The following CLCA2 variants were observed in gnomAD, a reference collection of about 807,000 sequenced individuals.
The protein encoded by CLCA2 is calcium-activated chloride channel regulator 2.
CLCA2 carries 85 observed loss-of-function variants against 82.9 expected under a neutral mutation model. That is an observed-to-expected ratio of 1.03 (90% CI 0.86 to 1.23). The LOEUF is 1.23. Ranked by LOEUF, CLCA2 falls within the 50% of genes most tolerant of loss-of-function variation. The pLI, the probability that CLCA2 is intolerant of heterozygous loss-of-function variation, is 0.00. For synonymous variants in CLCA2, 421 were observed against 391.7 expected, an observed-to-expected ratio of 1.07 and a Z score of -0.88; for missense variants, 1,089 against 1,124.8, an observed-to-expected ratio of 0.97 and a Z score of 0.45.
chr1:86,455,394 A>T lies in CLCA2; in HGVS notation c.2699A>T (p.Tyr900Phe), dbSNP rs1205317761. Residue 900 changes from tyrosine (Y) to phenylalanine (F), a missense_variant, in exon 14 of 14, where the codon TAT becomes TTT. Coordinates refer to ENST00000370565, the MANE Select transcript of CLCA2 (RefSeq NM_006536.7). ...PNSDPVPARD[Y>F]LILKGVLTAM... The stretch of plus-strand genomic sequence containing the variant: ...TCTGATCCTGTACCTGCCAGAGATT[A>T]TCTTATATTGAAAGGAGTTTTAACA... The T allele has an allele frequency of 6.2e-7, 1 of 1,609,254 alleles. No individual in the cohort carries two copies. Among genetic ancestry groups the T allele is most frequent in the Admixed American group, 1.7e-5 (1 of 58,684 alleles).
intron 7 of CLCA2, 97 bp from the exon 8 acceptor site, chr1:86,440,051 G>A: frequency 8.2e-7 from 1 of 1,212,350 alleles, no homozygotes; most frequent in Non-Finnish European, 1.2e-6. Flanking sequence ...GTGGGGTGTA[G>A]GAGCTACAGT....
At chr1:86,434,240 T>C (rs1165076876) in intron 5 of CLCA2, among the ~76,000 whole-genome samples, 1 of 147,034 alleles carries the variant, frequency 6.8e-6, no homozygotes, top group Non-Finnish European at 1.5e-5. Context: ...AGTAAGATTA[T>C]GTATATATAT....
In CLCA2 at chr1:86,432,356, T is replaced by C. The variant is rs751860062; in HGVS notation, c.585-13T>C. 23 of 1,611,106 alleles carry C rather than the reference T, an allele frequency of 1.4e-5. No homozygotes were observed. Among genetic ancestry groups the C allele is most frequent in the Non-Finnish European group, 1.9e-5 (22 of 1,179,386 alleles). On this transcript the variant is annotated splice_polypyrimidine_tract_variant and intron_variant, in intron 4 of 13. Transcript: ENST00000370565. ...AAATAGACCTAATTCCCAGTTTCTC[T>C]TTCCATTTTTAGGTGTTCATCTGAC...
chr1:86,430,778 C>T lies in CLCA2; in HGVS notation c.476-84C>T, dbSNP rs1662480504. On this transcript the variant is annotated intron_variant, in intron 3 of 13. Transcript: ENST00000370565. ...GGTCATTCCAAAGAGTATGTGTGGT[C>T]AAGAAATGTTACGTCTTCACTAGTT... The T allele has an allele frequency of 5.0e-6, 5 of 991,694 alleles. No homozygotes were observed. In the Admixed American group the frequency reaches 9.3e-5, roughly 18 times the overall value. The allele number at this position is 991,694 out of a possible 1,614,324, so 61.4% of individuals were successfully genotyped here.
chr1:86,440,326 G>A lies in CLCA2; in HGVS notation c.1381+1G>A, dbSNP rs138147089. On this transcript the variant is annotated splice_donor_variant, in intron 8 of 13. Coordinates refer to ENST00000370565, the MANE Select transcript of CLCA2 (RefSeq NM_006536.7). LOFTEE classifies it high-confidence loss of function. ...CTGGAGGAATTATCACGTCTTACAG[G>A]TAATAAACTTTTAAAAACTTATCTT... The A allele has an allele frequency of 7.5e-6, 12 of 1,610,630 alleles. No individual in the cohort carries two copies. In the South Asian group the frequency reaches 1.3e-4, roughly 18 times the overall value.
At chr1:86,445,538 C>T (rs534582960) in intron 10 of CLCA2, 4 of 151,796 alleles carry the variant, frequency 2.6e-5, no homozygotes, top group African/African-American at 4.8e-5. Flanking sequence ...CATGGACTTT[C>T]GAGTATTAAT....
intron 2 of CLCA2, among the ~76,000 whole-genome samples, chr1:86,426,063 T>G (rs1406504797): frequency 6.6e-6 from 1 of 152,086 alleles, no homozygotes; most frequent in Non-Finnish European, 1.5e-5. Flanking sequence ...ATAGAGGAAC[T>G]TCACCTTGAA....
intron 12 of CLCA2, among the ~76,000 whole-genome samples, chr1:86,452,794 T>C (rs1052850597): frequency 2.0e-5 from 3 of 152,226 alleles, no homozygotes; most frequent in Non-Finnish European, 4.4e-5. Context: ...TGTAAATATA[T>C]GTTTATTAAT....
chr1:86,442,113 G>A (rs1662749171), intron 9 of CLCA2, among the ~76,000 whole-genome samples: 1 of 151,904 alleles, frequency 6.6e-6, no homozygotes, highest in Non-Finnish European at 1.5e-5. Context: ...ACTGAATAAT[G>A]TGTTGAACAA....
Position 86,438,925 on chromosome 1 carries a change from A to G in CLCA2, c.1022A>G (p.Gln341Arg). Residue 341 changes from glutamine (Q) to arginine (R), a missense_variant, in exon 7 of 14, where the codon CAG (glutamine) becomes CGG (arginine). Gln to Arg is a conservative substitution (Grantham distance 43, BLOSUM62 1). Coordinates refer to ENST00000370565, the MANE Select transcript of CLCA2 (RefSeq NM_006536.7). Reference protein sequence around the residue: ...LQQAAEFYLMQIVEIHTFVGI... With the variant: ...LQQAAEFYLMRIVEIHTFVGI... Reference sequence around the variant, plus strand: ...CAAGCCGCAGAATTTTATTTGATGCAGATTGTTGAAATTCATACCTTCGTG... The same window carrying G: ...CAAGCCGCAGAATTTTATTTGATGCGGATTGTTGAAATTCATACCTTCGTG... 1 of 1,614,118 alleles carries G rather than the reference A, an allele frequency of 6.2e-7. No homozygotes were observed. The highest frequency in any genetic ancestry group is 1.3e-5 in the African/African-American group (1 of 75,056).
rs2101701952 is a variant in CLCA2 at position 86,440,250 on chromosome 1, A to G, written c.1306A>G (p.Ser436Gly). Residue 436 changes from serine to glycine, a missense_variant, in exon 8 of 14, where the codon AGT becomes GGT. Coordinates refer to ENST00000370565, the MANE Select transcript of CLCA2 (RefSeq NM_006536.7). ...LGNCLPTVLS[S>G]GSTIHSIALG... ...CAATTGCTTACCCACTGTGCTCAGC[A>G]GTGGTTCAACAATTCACTCCATTGC... 2 of 1,614,174 alleles carry G rather than the reference A, an allele frequency of 1.2e-6. No homozygotes were observed. Among genetic ancestry groups the G allele is most frequent in the East Asian group, 4.5e-5 (2 of 44,874 alleles).
chr1:86,448,722 C>T (rs1171731313), intron 11 of CLCA2, among the ~76,000 whole-genome samples: 1 of 152,210 alleles, frequency 6.6e-6, no homozygotes, highest in African/African-American at 2.4e-5. Flanking sequence ...TGCAGGAAAA[C>T]AAAAGTTCAT....
chr1:86,441,895 CT>C (rs1446233015), intron 9 of CLCA2, among the ~76,000 whole-genome samples: 4 of 152,214 alleles, frequency 2.6e-5, no homozygotes, highest in Non-Finnish European at 5.9e-5. Flanking sequence ...CAGAATTCAT[CT>C]TATTTTTGCT....
chr1:86,440,924 C>A (rs1662717670), intron 8 of CLCA2, among the ~76,000 whole-genome samples: 1 of 152,034 alleles, frequency 6.6e-6, no homozygotes, highest in South Asian at 2.1e-4. Context: ...ATTAAATGCA[C>A]TAACTTCTAT....
In CLCA2 at chr1:86,445,163, G is replaced by T. The variant is rs1662823499; in HGVS notation, c.1713+1152G>T. ...TCTGCCTGCCTCTGCCTCCTGAAGTGCTGGGATTGCAGGCATGAGCCACCG... is the reference window on the plus strand; with the variant it reads ...TCTGCCTGCCTCTGCCTCCTGAAGTTCTGGGATTGCAGGCATGAGCCACCG... On this transcript the variant is annotated intron_variant, in intron 10 of 13. Coordinates refer to ENST00000370565, the MANE Select transcript of CLCA2 (RefSeq NM_006536.7). 1.3e-5 allele frequency among the ~76,000 whole-genome samples: 2 copies of T among 152,040 alleles called. 1 individual carries two copies. The highest frequency in any genetic ancestry group is 4.1e-4 in the South Asian group (2 of 4,826).
At chr1:86,427,460 G>A (rs1360052031) in intron 2 of CLCA2, among the ~76,000 whole-genome samples, 1 of 151,218 alleles carries the variant, frequency 6.6e-6, no homozygotes, top group Non-Finnish European at 1.5e-5. Context: ...ATTAAATAAT[G>A]TAGAAACATG....
At position 86,448,275 on chromosome 1, in the gene CLCA2, C is replaced by A. The variant is rs1662895573; in HGVS notation, c.1984+497C>A. ...TTGTGACCTATAAGATGACCCTAGA[C>A]CCAAGAGGCTGGGTTGAAGAGAGGG... is the stretch of plus-strand genomic sequence containing the variant. On this transcript the variant is annotated intron_variant, in intron 11 of 13. Transcript: ENST00000370565. The A allele has an allele frequency of 3.2e-5, 5 of 158,378 alleles. No individual in the cohort carries two copies. In the South Asian group the frequency reaches 9.3e-4, roughly 30 times the overall value. 9.8% of individuals were successfully genotyped at this position (158,378 alleles called of 1,614,324 possible).
In CLCA2 at chr1:86,440,417, T is replaced by A. The variant is rs74974085; in HGVS notation, c.1381+92T>A. ...TATGAAACTCATTATATGGCTTAAT[T>A]GAAAATACAGAAATTGTTTTTAAAA... On this transcript the variant is annotated intron_variant, in intron 8 of 13. Transcript: ENST00000370565. 4.4e-5 allele frequency: 50 copies of A among 1,138,494 alleles called. 2 individuals carry two copies. The highest frequency in any genetic ancestry group is 1.6e-4 in the South Asian group (10 of 60,906). 70.5% of individuals were successfully genotyped at this position (1,138,494 alleles called of 1,614,324 possible).
chr1:86,434,840 C>T, intron 6 of CLCA2, 95 bp downstream of exon 6: 1 of 1,020,116 alleles, frequency 9.8e-7, no homozygotes, highest in East Asian at 2.6e-5. Context: ...GGTACATGTG[C>T]AGGACGTTCA....
Sources: allele counts gnomAD v4.1 joint callset (sites outside exome capture counted in the v4.1 genomes callset), GRCh38; gene constraint gnomAD v4.1.1; transcripts MANE v1.5; gene names NCBI Gene and HGNC (gene_info 2026-07-23, HGNC 2026-07-21).